Variants in WDR27 observed in about 807,000 individuals in gnomAD.
The protein encoded by WDR27 is WD repeat-containing protein 27.
A neutral mutation model predicts 114.4 loss-of-function variants in WDR27; 100 were observed. The ratio of observed to expected loss-of-function variants is 0.87; its 90% CI spans 0.74 to 1.03. WDR27 has a LOEUF of 1.03. Among genes scored for constraint, WDR27 ranks in the 50% least tolerant of loss-of-function variants. WDR27 has a pLI of 0.00. For synonymous variants in WDR27, 449 were observed against 423.1 expected, an observed-to-expected ratio of 1.06 and a Z score of -0.75; for missense variants, 1,129 against 1,092.9, an observed-to-expected ratio of 1.03 and a Z score of -0.47.
intron 23 of WDR27, among the ~76,000 whole-genome samples, chr6:169,583,484 T>A (rs1803896311): frequency 8.4e-5 from 1 of 11,902 alleles, no homozygotes; most frequent in Non-Finnish European, 2.2e-4. Context: ...TGTGTGTATA[T>A]ATACATATAT....
chr6:169,656,751 T>A (rs1423540787), intron 13 of WDR27, among the ~76,000 whole-genome samples: 1 of 152,246 alleles, frequency 6.6e-6, no homozygotes, highest in African/African-American at 2.4e-5. Context: ...AGGGGCATTC[T>A]CTTCTCAGCC....
rs139635875 is a variant in WDR27, at chr6:169,484,833, T to C, written c.2646-27199A>G. Among the ~76,000 whole-genome samples the C allele has an allele frequency of 1.2e-3, 180 of 152,156 alleles. 1 individual carries two copies. The highest frequency in any genetic ancestry group is 1.7e-3 in the Non-Finnish European group (118 of 68,008). ...GTATAAAAAGAGGCACAGAGACCAA[T>C]TGAACAGAATGGAGAGGCCAGAAAT... On this transcript the variant is annotated intron_variant, in intron 25 of 25. Transcript: ENST00000448612.
At chr6:169,542,436 T>C (rs1278981595) in intron 25 of WDR27, among the ~76,000 whole-genome samples, 1 of 152,046 alleles carries the variant, frequency 6.6e-6, no homozygotes, top group East Asian at 1.9e-4. Context: ...AATGAGGAAA[T>C]TTTACAAAGG....
At chr6:169,686,423 C>G (rs1000583043) in intron 2 of WDR27, among the ~76,000 whole-genome samples, 4 of 152,064 alleles carry the variant, frequency 2.6e-5, no homozygotes, top group Admixed American at 1.3e-4. Flanking sequence ...CTATCAATAA[C>G]CCTGAATGTA....
At position 169,684,530 on chromosome 6, in the gene WDR27, G is replaced by A. The variant is rs947331794; in HGVS notation, c.189+4287C>T. The stretch of plus-strand genomic sequence containing the variant: ...TGCCTTTGGAGGCACATCACCAAGC[G>A]GGCTGAGCAGCCCTGTTCCCATGTC... On this transcript the variant is annotated intron_variant, in intron 2 of 25. Coordinates refer to ENST00000448612, the MANE Select transcript of WDR27 (RefSeq NM_182552.5). This position sits in a 1 kb window ranked among gnomAD's most constrained non-coding sequence, Gnocchi z 4.3. 2.0e-5 allele frequency among the ~76,000 whole-genome samples: 3 copies of A among 152,104 alleles called. No homozygotes were observed. Among genetic ancestry groups the A allele is most frequent in the East Asian group, 1.9e-4 (1 of 5,174 alleles).
intron 25 of WDR27, among the ~76,000 whole-genome samples, chr6:169,568,063 G>A (rs3817860): frequency 0.57 from 86,721 of 152,014 alleles, 27,212 homozygotes; most frequent in Non-Finnish European, 0.69. Flanking sequence ...GAGAGGGAGC[G>A]TCAGCTCCAC....
chr6:169,667,103 TA>T, intron 6 of WDR27, 32 bp downstream of exon 6: 1 of 1,486,428 alleles, frequency 6.7e-7, no homozygotes, highest in Non-Finnish European at 8.9e-7. Flanking sequence ...ACACACAACC[TA>T]TTTACAGAAA....
intron 24 of WDR27, among the ~76,000 whole-genome samples, chr6:169,575,336 A>C (rs1313910248): frequency 2.1e-4 from 11 of 51,866 alleles, no homozygotes; most frequent in East Asian, 5.6e-4. Flanking sequence ...CTCTCTCTCC[A>C]TCCATCCATC....
At chr6:169,624,863 A>C (rs1814388611) in intron 21 of WDR27, among the ~76,000 whole-genome samples, 1 of 152,146 alleles carries the variant, frequency 6.6e-6, no homozygotes, top group Non-Finnish European at 1.5e-5. Context: ...GGTAGATGGC[A>C]CGAGACCAGG....
chr6:169,552,396 T>C (rs936729173), intron 25 of WDR27, among the ~76,000 whole-genome samples: 1 of 152,224 alleles, frequency 6.6e-6, no homozygotes, highest in Non-Finnish European at 1.5e-5. Context: ...CTGTTCCCGC[T>C]GCAGCCCTCA....
intron 8 of WDR27, among the ~76,000 whole-genome samples, chr6:169,662,726 CCGCGGAG>C: frequency 7.6e-6 from 1 of 131,514 alleles, no homozygotes; most frequent in South Asian, 2.7e-4. Flanking sequence ...CGCGTGTGCA[CCGCGGAG>C]TACTCAGATC....
At chr6:169,463,442 G>A (rs1327511383) in intron 25 of WDR27, among the ~76,000 whole-genome samples, 4 of 152,142 alleles carry the variant, frequency 2.6e-5, no homozygotes, top group African/African-American at 7.2e-5. Context: ...CATTATACTC[G>A]ATGGTGAAAG....
At chr6:169,458,666 A>T (rs1018229806) in intron 25 of WDR27, among the ~76,000 whole-genome samples, 6 of 152,034 alleles carry the variant, frequency 3.9e-5, no homozygotes, top group Admixed American at 3.9e-4. Flanking sequence ...AGGCACCTGT[A>T]ATCCCAGCTG....
chr6:169,605,108 C>CAAAAAAAAAAAAAAAAAAAAA lies in WDR27; in HGVS notation c.2322-2788_2322-2787insTTTTTTTTTTTTTTTTTTTTT, dbSNP rs59884264. 7.2e-4 allele frequency among the ~76,000 whole-genome samples: 55 copies of CAAAAAAAAAAAAAAAAAAAAA among 76,194 alleles called. 2 individuals are homozygous for CAAAAAAAAAAAAAAAAAAAAA. In the East Asian group the frequency reaches 7.8e-3, roughly 11 times the overall value. 50.0% of individuals were successfully genotyped at this position (76,194 alleles called of 152,430 possible). On this transcript the variant is annotated intron_variant, in intron 22 of 25. Coordinates refer to ENST00000448612, the MANE Select transcript of WDR27 (RefSeq NM_182552.5). The stretch of plus-strand genomic sequence containing the variant: ...AGAAGTCCTAGCCAGAGCAATTAGG[C>CAAAAAAAAAAAAAAAAAAAAA]AAAAAAAAAAAAAAAAGTTTTTTTT...
chr6:169,592,113 A>C (rs1805852850), intron 23 of WDR27, among the ~76,000 whole-genome samples: 1 of 152,210 alleles, frequency 6.6e-6, no homozygotes, highest in South Asian at 2.1e-4. Context: ...ACAGAGGTTA[A>C]CGGCTGACAG....
At chr6:169,505,619 T>C (rs1463018127) in intron 25 of WDR27, among the ~76,000 whole-genome samples, 2 of 152,212 alleles carry the variant, frequency 1.3e-5, no homozygotes, top group Non-Finnish European at 2.9e-5. Flanking sequence ...TGCCATCACA[T>C]GTGAGTCTCC....
At chr6:169,700,155 A>G (rs537863708) in intron 1 of WDR27, among the ~76,000 whole-genome samples, 3 of 152,314 alleles carry the variant, frequency 2.0e-5, no homozygotes, top group African/African-American at 7.2e-5. Context: ...CCATGGTCAT[A>G]TTTAACCACT....
chr6:169,449,468 C>T, the WDR27 span, among the ~76,000 whole-genome samples: 1 of 152,116 alleles, frequency 6.6e-6, no homozygotes, highest in Non-Finnish European at 1.5e-5. Context: ...CACATGCCTC[C>T]AACGTGGGAA....
At chr6:169,625,771 G>C (rs9396987) in intron 21 of WDR27, among the ~76,000 whole-genome samples, 31 of 152,308 alleles carry the variant, frequency 2.0e-4, no homozygotes, top group African/African-American at 7.0e-4. Flanking sequence ...TGGGGCTCTG[G>C]GGGGGATGAG....
Sources: gnomAD v4.1 joint callset for allele counts (sites outside exome capture counted in the v4.1 genomes callset) on GRCh38, gnomAD v4.1.1 for gene constraint, Gnocchi (gnomAD v3.1) non-coding constraint, MANE v1.5 for transcripts, NCBI Gene and HGNC (gene_info 2026-07-23, HGNC 2026-07-21) for gene names.